The following REL variants were observed in gnomAD, a reference collection of about 807,000 sequenced individuals.
REL encodes the protein proto-oncogene c-Rel.
In REL, 15 loss-of-function variants were observed where a neutral mutation model predicts 45.9. That is an observed-to-expected ratio of 0.33 (90% CI 0.22 to 0.50). REL has a LOEUF of 0.50. REL is among the 20% of genes least tolerant of loss of function. The probability of loss-of-function intolerance (pLI) is 0.98; values close to 1 mark genes in which losing one functional copy is unlikely to be tolerated. For missense variants in REL, 601 were observed against 715.2 expected, an observed-to-expected ratio of 0.84 and a Z score of 1.82; for synonymous variants, 239 against 242.1, an observed-to-expected ratio of 0.99 and a Z score of 0.12.
In REL at chr2:60,918,317, T is replaced by A. The variant is rs780071406; in HGVS notation, c.640+22T>A. The A allele has an allele frequency of 1.9e-6, 3 of 1,562,996 alleles. No homozygotes were observed. The South Asian group carries it at 3.5e-5, about 18-fold the overall frequency. ...AAAGGTATTTATTTATTTCATTGAA[T>A]TTAGAATAAATTTTAGATTAATAGA... On this transcript the variant is annotated intron_variant, in intron 6 of 9. Coordinates refer to ENST00000394479, the MANE Select transcript of REL (RefSeq NM_001291746.2).
chr2:60,889,612 C>G (rs571367045), intron 1 of REL, among the ~76,000 whole-genome samples: 10 of 152,070 alleles, frequency 6.6e-5, no homozygotes, highest in African/African-American at 1.9e-4. Flanking sequence ...TTTCCCTCCC[C>G]CCTTCCCCCA....
At chr2:60,904,447 T>C (rs1673586327) in intron 4 of REL, among the ~76,000 whole-genome samples, 1 of 151,458 alleles carries the variant, frequency 6.6e-6, no homozygotes, top group South Asian at 2.1e-4. Context: ...GGCGCACACC[T>C]GTGATCCCAG....
chr2:60,930,408 C>G lies in REL; in HGVS notation c.*7873C>G, dbSNP rs1288525131. Reference sequence around the variant, plus strand: ...CTAGTTATTGCCCAGCTTTGGAGAGCCTTCTTTTGGCTTATCATTTATTAT... The same window carrying G: ...CTAGTTATTGCCCAGCTTTGGAGAGGCTTCTTTTGGCTTATCATTTATTAT... On this transcript the variant is annotated 3_prime_UTR_variant, in exon 10 of 10. Transcript: ENST00000394479. 2 of 152,282 alleles carry G rather than the reference C, an allele frequency of 1.3e-5. No homozygotes were observed. The highest frequency in any genetic ancestry group is 2.9e-5 in the Non-Finnish European group (2 of 68,032). The allele number at this position is 152,282 out of a possible 1,614,324, so 9.4% of individuals were successfully genotyped here.
rs1674227627 is a variant in REL at position 60,924,670 on chromosome 2, A to G, written c.*2135A>G. On this transcript the variant is annotated 3_prime_UTR_variant, in exon 10 of 10. Transcript: ENST00000394479. Reference sequence around the variant, plus strand: ...AGGTTCATTGAGAATCTCTAAATCCATGTTTTGACATTGTCAAGCTCATTG... The same window carrying G: ...AGGTTCATTGAGAATCTCTAAATCCGTGTTTTGACATTGTCAAGCTCATTG... 4.7e-6 allele frequency: 1 copy of G among 212,526 alleles called. No homozygotes were observed. Among genetic ancestry groups the G allele is most frequent in the Non-Finnish European group, 9.5e-6 (1 of 104,966 alleles). 13.2% of individuals were successfully genotyped at this position (212,526 alleles called of 1,614,324 possible). A position where few individuals can be genotyped will look rare whatever the true frequency, so the allele number is the denominator to read the frequency against.
At chr2:60,919,805 C>A (rs1000343602) in intron 7 of REL, among the ~76,000 whole-genome samples, 1 of 152,126 alleles carries the variant, frequency 6.6e-6, no homozygotes, top group African/African-American at 2.4e-5. Context: ...AAGTGATCCA[C>A]CTGCCTCAGC....
Position 60,922,418 on chromosome 2 carries a change from A to C in REL, c.1647A>C (p.Ser549=), listed in dbSNP as rs758936547. The change falls in exon 10 of 10, where the codon TCA becomes TCC. Residue 549 remains serine (S), a synonymous_variant. Transcript: ENST00000394479. The stretch of plus-strand genomic sequence containing the variant: ...GCATGATAAATGAGTCGGGACCATC[A>C]AACAGTACTAATCCAAACAGTCATG... ...DNSMINESGP[S]NSTNPNSHGF... is the part of the protein sequence containing the mutation. 2.5e-6 allele frequency: 4 copies of C among 1,614,090 alleles called. No homozygotes were observed. The South Asian group carries it at 3.3e-5, about 13-fold the overall frequency.
chr2:60,904,534 G>A (rs1247989238), intron 4 of REL, among the ~76,000 whole-genome samples: 1 of 151,482 alleles, frequency 6.6e-6, no homozygotes, highest in Admixed American at 6.6e-5. Context: ...TCACGCCATT[G>A]GACTCCAACC....
intron 4 of REL, 57 bp from the exon 5 acceptor site, chr2:60,916,820 G>C: frequency 7.9e-7 from 1 of 1,270,196 alleles, no homozygotes; most frequent in South Asian, 1.3e-5. Flanking sequence ...GGAGGACCTA[G>C]CAAGTCTTTA....
chr2:60,893,115 T>G (rs529635574), intron 2 of REL, among the ~76,000 whole-genome samples: 114 of 152,352 alleles, frequency 7.5e-4, no homozygotes, highest in Admixed American at 3.8e-3. Flanking sequence ...AATGAAGGGT[T>G]TATCCTTTAA....
At chr2:60,900,343 CTT>C (rs1179218208) in intron 3 of REL, 3 of 152,284 alleles carry the variant, frequency 2.0e-5, no homozygotes, top group African/African-American at 7.2e-5. Context: ...ATCAAACAGA[CTT>C]TATTGATTTG....
At chr2:60,882,216 C>T (rs934668996) in intron 1 of REL, among the ~76,000 whole-genome samples, 2 of 152,092 alleles carry the variant, frequency 1.3e-5, no homozygotes, top group African/African-American at 2.4e-5. Flanking sequence ...ACCTTCAGAC[C>T]TCGGGCAAGC....
intron 4 of REL, among the ~76,000 whole-genome samples, chr2:60,911,605 A>C (rs940950012): frequency 6.6e-6 from 1 of 152,184 alleles, no homozygotes; most frequent in Non-Finnish European, 1.5e-5. Flanking sequence ...AAATGATAAG[A>C]TTTCTTTAGG....
At chr2:60,906,913 A>ATATATT (rs1311506982) in intron 4 of REL, among the ~76,000 whole-genome samples, 71 of 104,308 alleles carry the variant, frequency 6.8e-4, no homozygotes, top group East Asian at 1.2e-3. Flanking sequence ...ATATATATAT[A>ATATATT]TTTTTTTTTT....
At chr2:60,887,832 T>C (rs894339891) in intron 1 of REL, among the ~76,000 whole-genome samples, 4 of 151,916 alleles carry the variant, frequency 2.6e-5, no homozygotes, top group African/African-American at 9.7e-5. Flanking sequence ...TATTTAATCT[T>C]TTCAACAACT....
chr2:60,907,782 C>T (rs912892847), intron 4 of REL, among the ~76,000 whole-genome samples: 7 of 150,800 alleles, frequency 4.6e-5, no homozygotes, highest in Non-Finnish European at 1.0e-4. Flanking sequence ...GCTCTGTCTC[C>T]CAGGTTCACA....
chr2:60,929,371 C>T lies in REL; in HGVS notation c.*6836C>T, dbSNP rs1238558607. 2.8e-3 allele frequency: 382 copies of T among 137,110 alleles called. 2 individuals are homozygous for T. The highest frequency in any genetic ancestry group is 9.9e-3 in the African/African-American group (356 of 35,896). The allele number at this position is 137,110 out of a possible 1,614,324, so 8.5% of individuals were successfully genotyped here. ...ATGCTGCTATAAAGACACATGCACA[C>T]GTATGTTTATTGCGGCATTATTCAC... On this transcript the variant is annotated 3_prime_UTR_variant, in exon 10 of 10. Transcript: ENST00000394479.
At chr2:60,914,322 G>A (rs1395772414) in intron 4 of REL, among the ~76,000 whole-genome samples, 1 of 152,142 alleles carries the variant, frequency 6.6e-6, no homozygotes, top group Non-Finnish European at 1.5e-5. Context: ...TAACCATGTT[G>A]TGCAGAGATG....
At chr2:60,917,999 G>A (rs1003419152) in intron 5 of REL, among the ~76,000 whole-genome samples, 192 bp from the exon 6 acceptor site, 10 of 152,120 alleles carry the variant, frequency 6.6e-5, no homozygotes, top group Non-Finnish European at 1.3e-4. Flanking sequence ...TAGAAATGAA[G>A]CCACAAAGTC....
At chr2:60,885,991 G>A (rs1303042368) in intron 1 of REL, among the ~76,000 whole-genome samples, 1 of 152,200 alleles carries the variant, frequency 6.6e-6, no homozygotes, top group African/African-American at 2.4e-5. Flanking sequence ...ATAAACACAA[G>A]TTCAAGTTAC....
Sources: allele counts gnomAD v4.1 joint callset (sites outside exome capture counted in the v4.1 genomes callset), GRCh38; gene constraint gnomAD v4.1.1; transcripts MANE v1.5; gene names NCBI Gene and HGNC (gene_info 2026-07-23, HGNC 2026-07-21).